GNPAT: variants seen among roughly 807,000 people sequenced by gnomAD.
GNPAT encodes dihydroxyacetone phosphate acyltransferase.
GNPAT carries 30 observed loss-of-function variants against 78.4 expected under a neutral mutation model. The ratio of observed to expected loss-of-function variants is 0.38; its 90% CI spans 0.29 to 0.52. The LOEUF (loss-of-function observed/expected upper bound fraction) is 0.52, where lower values mean the gene tolerates loss of function less well. Among genes scored for constraint, GNPAT ranks in the 20% least tolerant of loss-of-function variants. The probability of loss-of-function intolerance (pLI) is 0.84; values close to 1 mark genes in which losing one functional copy is unlikely to be tolerated. For missense variants in GNPAT, 714 were observed against 812.2 expected (o/e 0.88, Z 1.47); for synonymous variants, 271 against 281.1 (o/e 0.96, Z 0.36).
chr1:231,247,918 C>T (rs1684791972), intron 1 of GNPAT, among the ~76,000 whole-genome samples: 1 of 152,168 alleles, frequency 6.6e-6, no homozygotes, highest in Non-Finnish European at 1.5e-5. Flanking sequence ...GATGTAAGTC[C>T]ACCTTGCAAG....
intron 2 of GNPAT, among the ~76,000 whole-genome samples, chr1:231,252,137 A>G (rs1476230824): frequency 6.6e-6 from 1 of 152,248 alleles, no homozygotes; most frequent in African/African-American, 2.4e-5. Flanking sequence ...TGCTAAAACT[A>G]GACAGGAAGT....
chr1:231,254,737 T>C (rs1684998243), intron 2 of GNPAT, among the ~76,000 whole-genome samples: 2 of 151,646 alleles, frequency 1.3e-5, no homozygotes, highest in East Asian at 3.9e-4. Flanking sequence ...CGTGAGCCAT[T>C]GCGTCCGGCC....
chr1:231,250,384 A>G (rs1245943048), intron 1 of GNPAT, among the ~76,000 whole-genome samples: 2 of 152,120 alleles, frequency 1.3e-5, no homozygotes, highest in Non-Finnish European at 2.9e-5. Context: ...GAGCTATATA[A>G]TGGTGGCACT....
intron 2 of GNPAT, among the ~76,000 whole-genome samples, chr1:231,255,478 C>T (rs1248155570): frequency 6.6e-6 from 1 of 152,160 alleles, no homozygotes. Flanking sequence ...GGCTGGAGTA[C>T]AGTGGCATGA....
At chr1:231,268,024 CG>C in intron 9 of GNPAT, 121 bp downstream of exon 9, 1 of 741,040 alleles carries the variant, frequency 1.3e-6, no homozygotes, top group Non-Finnish European at 2.4e-6. Context: ...AAGGACAGGC[CG>C]GGCGCGGTGG....
chr1:231,252,440 C>T (rs1366356294), intron 2 of GNPAT, among the ~76,000 whole-genome samples: 1 of 152,168 alleles, frequency 6.6e-6, no homozygotes, highest in Non-Finnish European at 1.5e-5. Flanking sequence ...GGCAGGAGCT[C>T]CCTGATCGCT....
At chr1:231,252,984 T>G (rs1219074933) in intron 2 of GNPAT, among the ~76,000 whole-genome samples, 2 of 152,206 alleles carry the variant, frequency 1.3e-5, no homozygotes, top group East Asian at 3.8e-4. Flanking sequence ...GTTTTGTTTT[T>G]TTGAGACGGA....
At chr1:231,257,572 A>T (rs1558329511) in intron 2 of GNPAT, among the ~76,000 whole-genome samples, 2 of 151,980 alleles carry the variant, frequency 1.3e-5, no homozygotes, top group Non-Finnish European at 2.9e-5. Context: ...GTCCTCATTG[A>T]TCTCTTTCAT....
intron 10 of GNPAT, among the ~76,000 whole-genome samples, chr1:231,272,087 G>A (rs112997067): frequency 5.3e-5 from 8 of 152,246 alleles, no homozygotes; most frequent in African/African-American, 1.4e-4. Context: ...GTGACAGAGC[G>A]AGACTCCATC....
intron 8 of GNPAT, among the ~76,000 whole-genome samples, chr1:231,267,275 T>C (rs1402409435): frequency 6.6e-6 from 1 of 152,220 alleles, no homozygotes; most frequent in Non-Finnish European, 1.5e-5. Context: ...ACCCATTCAG[T>C]ATAAAATAGT....
At chr1:231,267,622 A>G in intron 8 of GNPAT, 58 bp from the exon 9 acceptor site, 2 of 987,502 alleles carry the variant, frequency 2.0e-6, no homozygotes, top group Non-Finnish European at 1.6e-6. Context: ...GTCTTTTTCC[A>G]TCCCCATTTG....
Position 231,262,828 on chromosome 1 carries a change from G to C in GNPAT, c.544G>C (p.Val182Leu). 1 of 1,612,404 alleles carries C rather than the reference G, an allele frequency of 6.2e-7. No individual in the cohort carries two copies. Among genetic ancestry groups the C allele is most frequent in the Non-Finnish European group, 8.5e-7 (1 of 1,178,506 alleles). ...SFLLYNYDLPVPVIAAGMDFL... is the reference protein window; with the variant it reads ...SFLLYNYDLPLPVIAAGMDFL... Reference sequence around the variant, plus strand: ...TCTTCTATACAATTATGATTTGCCTGTGCCAGTTATAGCAGCAGGAATGGG... The same window carrying C: ...TCTTCTATACAATTATGATTTGCCTCTGCCAGTTATAGCAGCAGGAATGGG... Residue 182 changes from valine (V) to leucine (L), a missense_variant, in exon 4 of 16, where the codon GTG becomes CTG. Val to Leu is a conservative substitution (Grantham distance 32). Transcript: ENST00000366647.
At chr1:231,268,337 G>T (rs956805163) in intron 9 of GNPAT, among the ~76,000 whole-genome samples, 2 of 152,096 alleles carry the variant, frequency 1.3e-5, no homozygotes, top group African/African-American at 4.8e-5. Context: ...CACCAAATCT[G>T]TTTTTATCAC....
chr1:231,256,493 T>TTTC (rs1685067343), intron 2 of GNPAT, among the ~76,000 whole-genome samples: 1 of 138,088 alleles, frequency 7.2e-6, no homozygotes, highest in South Asian at 2.5e-4. Context: ...TTTTTTTTTT[T>TTTC]TTTTTTTTTT....
At chr1:231,268,683 G>A (rs553389224) in intron 9 of GNPAT, among the ~76,000 whole-genome samples, 10 of 151,352 alleles carry the variant, frequency 6.6e-5, no homozygotes, top group South Asian at 2.1e-4. Flanking sequence ...TGAGGCGGGC[G>A]GATCACGAGG....
intron 1 of GNPAT, among the ~76,000 whole-genome samples, chr1:231,245,184 T>C (rs148941653): frequency 6.6e-6 from 1 of 152,326 alleles, no homozygotes; most frequent in East Asian, 1.9e-4. Flanking sequence ...CCAATCACTA[T>C]TCCTCATTTT....
intron 14 of GNPAT, among the ~76,000 whole-genome samples, chr1:231,275,867 A>T (rs1685699378): frequency 6.6e-6 from 1 of 152,206 alleles, no homozygotes; most frequent in Non-Finnish European, 1.5e-5. Context: ...ATATATAAAC[A>T]TATAGATGTA....
intron 1 of GNPAT, among the ~76,000 whole-genome samples, chr1:231,247,946 G>A (rs1223742938): frequency 1.3e-5 from 2 of 152,184 alleles, no homozygotes; most frequent in African/African-American, 4.8e-5. Context: ...ACCACGGAAG[G>A]ATTGTAGATG....
At chr1:231,262,967 C>A in intron 4 of GNPAT, 115 bp downstream of exon 4, 2 of 786,174 alleles carry the variant, frequency 2.5e-6, no homozygotes, top group Non-Finnish European at 4.4e-6. Flanking sequence ...CTCCTTTCTT[C>A]CAGTCCTAGC....
Sources: allele counts gnomAD v4.1 joint callset (sites outside exome capture counted in the v4.1 genomes callset), GRCh38; gene constraint gnomAD v4.1.1; transcripts MANE v1.5; gene names NCBI Gene and HGNC (gene_info 2026-07-23, HGNC 2026-07-21).